Variants in TEX11 observed in about 807,000 individuals in gnomAD.
The protein encoded by TEX11 is testis-expressed protein 11.
A neutral mutation model predicts 84.4 loss-of-function variants in TEX11; 7 were observed. That is an observed-to-expected ratio of 0.08 (90% CI 0.05 to 0.16). The LOEUF (loss-of-function observed/expected upper bound fraction) is 0.16. Among genes scored for constraint, TEX11 ranks in the 10% least tolerant of loss-of-function variants. TEX11 has a pLI of 1.00. For synonymous variants in TEX11, 264 were observed against 222.8 expected (o/e 1.18, Z -1.64); for missense variants, 551 against 660.5 (o/e 0.83, Z 1.82).
At chrX:70,646,584 C>T (rs2089745174) in intron 17 of TEX11, among the ~76,000 whole-genome samples, 1 of 112,223 alleles carries the variant, frequency 8.9e-6, no homozygotes, top group Non-Finnish European at 1.9e-5. Context: ...CAAGACACTT[C>T]TCAAAAGGAG....
intron 7 of TEX11, among the ~76,000 whole-genome samples, chrX:70,844,932 C>CA (rs979938823): frequency 3.0e-3 from 278 of 92,998 alleles, no homozygotes; most frequent in Admixed American, 5.1e-3. Flanking sequence ...GAGACTGCCT[C>CA]AAAAAAAAAA....
chrX:70,812,195 T>A (rs1365005243), intron 8 of TEX11, among the ~76,000 whole-genome samples: 1 of 90,399 alleles, frequency 1.1e-5, no homozygotes, highest in Non-Finnish European at 2.2e-5. Flanking sequence ...AAGTCTTTAA[T>A]CCATCTTGAA....
At chrX:70,535,811 T>G (rs1471343997) in intron 28 of TEX11, among the ~76,000 whole-genome samples, 2 of 109,772 alleles carry the variant, frequency 1.8e-5, no homozygotes, top group Non-Finnish European at 3.8e-5. Flanking sequence ...GTCACTTTAT[T>G]GCCCAGGCTG....
At chrX:70,629,086 CAGAGCCAGTATTCAAACCTAGTCTA>C (rs1317977907) in intron 18 of TEX11, among the ~76,000 whole-genome samples, 2 of 112,199 alleles carry the variant, frequency 1.8e-5, no homozygotes, top group Admixed American at 1.9e-4. Flanking sequence ...GATTAAATGG[CAGAGCCAGTATTCAAACCTAGTCTA>C]AGAGCTCCAC....
At chrX:70,530,733 G>C (rs747764470) in intron 28 of TEX11, among the ~76,000 whole-genome samples, 1 of 112,044 alleles carries the variant, frequency 8.9e-6, no homozygotes, top group Non-Finnish European at 1.9e-5. Flanking sequence ...TGTCTCAGCT[G>C]TCATCCTTTC....
rs189330046 is a variant in TEX11, at chrX:70,584,406, T to A, written c.2140+7345A>T. On this transcript the variant is annotated intron_variant, in intron 25 of 29. Transcript: ENST00000374333. The stretch of plus-strand genomic sequence containing the variant: ...AAGTAAAGAGATTAAATAAGTAATT[T>A]AAAACCTCCCAATAAACAGAAGTCT... Among the ~76,000 whole-genome samples, 17 of 112,008 alleles carry A rather than the reference T, an allele frequency of 1.5e-4. No homozygotes were observed. In the East Asian group the frequency reaches 4.2e-3, roughly 28 times the overall value.
At chrX:70,520,252 G>A in the TEX11 span, among the ~76,000 whole-genome samples, 2 of 112,153 alleles carry the variant, frequency 1.8e-5, no homozygotes, top group Non-Finnish European at 3.8e-5. Flanking sequence ...CATCTTTGTG[G>A]TTTCATCTAC....
intron 24 of TEX11, among the ~76,000 whole-genome samples, chrX:70,598,908 A>C (rs765493156): frequency 1.1e-4 from 12 of 112,305 alleles, no homozygotes; most frequent in Non-Finnish European, 2.1e-4. Flanking sequence ...GGCAATGAGA[A>C]GTGATTGCTA....
intron 16 of TEX11, among the ~76,000 whole-genome samples, chrX:70,658,787 G>A (rs926747759): frequency 8.1e-5 from 9 of 110,662 alleles, no homozygotes; most frequent in Admixed American, 3.8e-4. Flanking sequence ...GAAGTTTCAA[G>A]GGATCCTGAT....
chrX:70,672,502 C>T (rs936201197), intron 15 of TEX11, among the ~76,000 whole-genome samples: 1 of 112,050 alleles, frequency 8.9e-6, no homozygotes, highest in Non-Finnish European at 1.9e-5. Flanking sequence ...ACATCTTCGT[C>T]AGCATTTGGT....
At chrX:70,774,112 A>G (rs765916307) in intron 9 of TEX11, among the ~76,000 whole-genome samples, 10 of 110,566 alleles carry the variant, frequency 9.0e-5, no homozygotes, top group African/African-American at 3.3e-4. Context: ...AGGAGCAGAT[A>G]CAGCAAGATA....
In TEX11 at chrX:70,553,493, T is replaced by C. The variant is rs958378205; in HGVS notation, c.2291-79A>G. 5 of 604,303 alleles carry C rather than the reference T, an allele frequency of 8.3e-6. No homozygotes were observed. The Admixed American group carries it at 1.6e-4, about 19-fold the overall frequency. 49.8% of individuals were successfully genotyped at this position (604,303 alleles called of 1,213,427 possible). On this transcript the variant is annotated intron_variant, in intron 26 of 29. Transcript: ENST00000374333. ...TTTTCATCCCAGGCTACCACTTGCT[T>C]TCTCTAATGAAACTGGGCTGAAACA...
intron 9 of TEX11, among the ~76,000 whole-genome samples, chrX:70,798,072 T>A (rs1035833885): frequency 9.4e-6 from 1 of 106,602 alleles, no homozygotes; most frequent in African/African-American, 3.4e-5. Flanking sequence ...AGTAAAATTG[T>A]TTGCAGATGA....
chrX:70,720,773 A>T (rs57906182), intron 13 of TEX11, among the ~76,000 whole-genome samples: 6,650 of 96,137 alleles, frequency 0.069, 166 homozygotes, highest in East Asian at 0.14. Context: ...ACATATATAT[A>T]ATATATATAT....
intron 2 of TEX11, among the ~76,000 whole-genome samples, chrX:70,888,903 T>G (rs2147878964): frequency 9.0e-6 from 1 of 111,305 alleles, no homozygotes; most frequent in Admixed American, 9.6e-5. Flanking sequence ...AGTGGAAACC[T>G]TATAGGCCAG....
chrX:70,756,653 G>A, intron 9 of TEX11, among the ~76,000 whole-genome samples: 1 of 112,163 alleles, frequency 8.9e-6, no homozygotes, highest in Non-Finnish European at 1.9e-5. Flanking sequence ...AAACCACAAA[G>A]ATGGGGAGAA....
At chrX:70,859,445 G>A (rs1381386163) in intron 5 of TEX11, among the ~76,000 whole-genome samples, 1 of 105,158 alleles carries the variant, frequency 9.5e-6, no homozygotes, top group Non-Finnish European at 1.9e-5. Context: ...AGCTGGGCAT[G>A]GTGGCAAACA....
At chrX:70,818,746 A>T (rs2147819950) in intron 8 of TEX11, among the ~76,000 whole-genome samples, 1 of 111,018 alleles carries the variant, frequency 9.0e-6, no homozygotes, top group East Asian at 2.9e-4. Flanking sequence ...ATGCATCCAG[A>T]ACCAGCACCA....
At chrX:70,661,751 C>A (rs928321169) in intron 16 of TEX11, among the ~76,000 whole-genome samples, 14 of 111,727 alleles carry the variant, frequency 1.3e-4, no homozygotes, top group African/African-American at 3.9e-4. Flanking sequence ...GATACCCAGG[C>A]AAACAGGGTC....
Sources: allele counts gnomAD v4.1 joint callset (sites outside exome capture counted in the v4.1 genomes callset), GRCh38; gene constraint gnomAD v4.1.1; transcripts MANE v1.5; gene names NCBI Gene and HGNC (gene_info 2026-07-23, HGNC 2026-07-21).